Variants in EIF3A observed in about 807,000 individuals in gnomAD.
EIF3A encodes the protein EIF3, p180 subunit.
A neutral mutation model predicts 186.6 loss-of-function variants in EIF3A; 21 were observed. The observed-to-expected ratio is 0.11, with a 90% CI of 0.08 to 0.16. The LOEUF is 0.16. Ranked by LOEUF, EIF3A falls within the 10% of genes least tolerant of loss-of-function variation. The probability of loss-of-function intolerance (pLI) is 1.00; values close to 1 mark genes in which losing one functional copy is unlikely to be tolerated. For synonymous variants in EIF3A, 563 were observed against 584.3 expected (o/e 0.96, Z 0.52); for missense variants, 1,306 against 1,796.3 (o/e 0.73, Z 4.93).
At chr10:119,076,937 C>CAAAAAAAAAAAAAAAAAAA (rs71016536) in intron 1 of EIF3A, among the ~76,000 whole-genome samples, 1 of 123,482 alleles carries the variant, frequency 8.1e-6, no homozygotes. Flanking sequence ...GACTCTGTCT[C>CAAAAAAAAAAAAAAAAAAA]AAAAAAAAAA....
chr10:119,075,879 A>ATTTTT (rs58100835), intron 1 of EIF3A, among the ~76,000 whole-genome samples: 4 of 94,072 alleles, frequency 4.3e-5, no homozygotes, highest in African/African-American at 8.1e-5. Context: ...CGCCTGGCTA[A>ATTTTT]TTTTTTTTTT....
chr10:119,047,787 T>G (rs1848300265), intron 17 of EIF3A, among the ~76,000 whole-genome samples: 1 of 152,148 alleles, frequency 6.6e-6, no homozygotes, highest in African/African-American at 2.4e-5. Flanking sequence ...AACTACAAAT[T>G]AGCAGTAAGA....
rs186088586 is a variant in EIF3A, at chr10:119,065,279, T to G, written c.1122+120A>C. 1.1e-4 allele frequency: 80 copies of G among 735,634 alleles called. No individual in the cohort carries two copies. The African/African-American group carries it at 1.3e-3, about 12-fold the overall frequency. 45.6% of individuals were successfully genotyped at this position (735,634 alleles called of 1,614,324 possible). A position where few individuals can be genotyped will look rare whatever the true frequency, so the allele number is the denominator to read the frequency against. ...ACAGTGATTGACACCAGTGCTTCCCTGTCCATACATCAGAACCCTTGGCAC... is the reference window on the plus strand; with the variant it reads ...ACAGTGATTGACACCAGTGCTTCCCGGTCCATACATCAGAACCCTTGGCAC... On this transcript the variant is annotated intron_variant, in intron 7 of 21. Coordinates refer to ENST00000369144, the MANE Select transcript of EIF3A (RefSeq NM_003750.4).
intron 7 of EIF3A, among the ~76,000 whole-genome samples, chr10:119,064,392 A>G (rs977637566): frequency 6.6e-6 from 1 of 152,150 alleles, no homozygotes; most frequent in African/African-American, 2.4e-5. Context: ...CCAGTGTTGG[A>G]GTGTGGCCTG....
At position 119,066,079 on chromosome 10, in the gene EIF3A, G is replaced by T. The variant is rs1316092509; in HGVS notation, c.951-509C>A. Among the ~76,000 whole-genome samples the T allele has an allele frequency of 3.3e-5, 5 of 151,622 alleles. No individual in the cohort carries two copies. The East Asian group carries it at 9.7e-4, about 29-fold the overall frequency. ...TGCAGTGAGCCAAGATCGCGCCACTGCACTCCAGCCTGGGCGACAGAGCCA... is the reference window on the plus strand; with the variant it reads ...TGCAGTGAGCCAAGATCGCGCCACTTCACTCCAGCCTGGGCGACAGAGCCA... On this transcript the variant is annotated intron_variant, in intron 6 of 21. Coordinates refer to ENST00000369144, the MANE Select transcript of EIF3A (RefSeq NM_003750.4).
chr10:119,042,245 C>G lies in EIF3A; in HGVS notation c.3275G>C (p.Gly1092Ala). 1 of 1,613,336 alleles carries G rather than the reference C, an allele frequency of 6.2e-7. No individual in the cohort carries two copies. Among genetic ancestry groups the G allele is most frequent in the South Asian group, 1.1e-5 (1 of 90,968 alleles). Residue 1092 changes from glycine (G) to alanine (A), a missense_variant, in exon 19 of 22, where the codon GGC (glycine) becomes GCC (alanine). By Grantham distance (60) the Gly-to-Ala change is moderately conservative (BLOSUM62 0). Transcript: ENST00000369144. This position sits in a 1 kb window ranked among gnomAD's most constrained non-coding sequence, Gnocchi z 7.8. ...GMDDDRGPRRGMDDDRGPRRG... is the reference protein window; with the variant it reads ...GMDDDRGPRRAMDDDRGPRRG... ...CCTGGGACCCCGGTCATCATCCATG[C>G]CTCGCCTGGGACCCCGGTCATCATC...
intron 14 of EIF3A, 134 bp from the exon 15 acceptor site, chr10:119,051,455 T>C: frequency 1.2e-6 from 1 of 865,704 alleles, no homozygotes; most frequent in Non-Finnish European, 1.7e-6. Flanking sequence ...AATGAAAACG[T>C]TAACTACATC....
chr10:119,080,405 G>GC, intron 1 of EIF3A: 1 of 985,460 alleles, frequency 1.0e-6, no homozygotes, highest in South Asian at 4.7e-5. Context: ...GGAAGGAAAG[G>GC]CCCCTGGGGC....
At chr10:119,054,227 G>A (rs940693887) in intron 14 of EIF3A, among the ~76,000 whole-genome samples, 31 of 152,078 alleles carry the variant, frequency 2.0e-4, no homozygotes, top group African/African-American at 6.7e-4. Context: ...GGCCTTCTGC[G>A]GCTTTCTAAC....
intron 4 of EIF3A, among the ~76,000 whole-genome samples, chr10:119,071,488 T>C (rs1844069645): frequency 1.3e-5 from 2 of 152,158 alleles, no homozygotes; most frequent in South Asian, 4.1e-4. Context: ...AACTACATAA[T>C]ACAAATTGAG....
intron 14 of EIF3A, among the ~76,000 whole-genome samples, chr10:119,054,388 T>C (rs1034752851): frequency 2.0e-5 from 3 of 152,052 alleles, no homozygotes; most frequent in Non-Finnish European, 4.4e-5. Flanking sequence ...TCTCACTGTT[T>C]ATGTGTTCAC....
chr10:119,042,524 C>G lies in EIF3A; in HGVS notation c.2996G>C (p.Arg999Thr). Reference protein sequence around the residue: ...WRNTDDDRPPRRIADEDRGNW... With the variant: ...WRNTDDDRPPTRIADEDRGNW... The stretch of plus-strand genomic sequence containing the variant: ...TCCCCTGTCTTCATCGGCAATTCGT[C>G]TGGGAGGCCTGTCATCATCTGTGTT... The change falls in exon 19 of 22, where the codon AGA (arginine) becomes ACA (threonine). Residue 999 changes from arginine to threonine, a missense_variant. Arg to Thr is a moderately conservative substitution (Grantham distance 71, BLOSUM62 -1). Around this residue, in one of 8 missense-constraint regions of EIF3A, gnomAD observed 410 missense variants for 473.5 expected, o/e 0.87. Coordinates refer to ENST00000369144, the MANE Select transcript of EIF3A (RefSeq NM_003750.4). The surrounding 1 kb of genome is among the most constrained non-coding windows in gnomAD (Gnocchi z 7.8). 4.3e-6 allele frequency: 7 copies of G among 1,614,182 alleles called. No homozygotes were observed. Among genetic ancestry groups the G allele is most frequent in the Non-Finnish European group, 5.9e-6 (7 of 1,180,040 alleles).
intron 4 of EIF3A, 47 bp from the exon 5 acceptor site, chr10:119,071,132 TTAAA>T: frequency 7.5e-7 from 1 of 1,329,450 alleles, no homozygotes; most frequent in Non-Finnish European, 1.1e-6. Context: ...CACTATCTAC[TTAAA>T]TATTTGAATA....
At position 119,037,075 on chromosome 10, in the gene EIF3A, A is replaced by G. The variant is rs191833261; in HGVS notation, c.3919+44T>C. The G allele has an allele frequency of 3.6e-3, 1,449 of 407,520 alleles. 26 individuals are homozygous for G. The highest frequency in any genetic ancestry group is 0.028 in the African/African-American group (1,238 of 44,740). 25.2% of individuals were successfully genotyped at this position (407,520 alleles called of 1,614,324 possible). A position where few individuals can be genotyped will look rare whatever the true frequency, so the allele number is the denominator to read the frequency against. ...ATAACCCAAATCCCCCCCCCCCCAG[A>G]AACGACAGTTCTCCAATACTTCAGT... On this transcript the variant is annotated intron_variant, in intron 21 of 21. Transcript: ENST00000369144.
Position 119,076,570 on chromosome 10 carries a change from G to T in EIF3A, c.50-2633C>A, listed in dbSNP as rs1844177680. Among the ~76,000 whole-genome samples the T allele has an allele frequency of 2.6e-5, 4 of 151,604 alleles. No homozygotes were observed. The South Asian group carries it at 8.3e-4, about 32-fold the overall frequency. The stretch of plus-strand genomic sequence containing the variant: ...AAATAAGCCTTTCCTTGTTGTCAGG[G>T]GTGGGGGTGGGAGGGAAAAAACTTG... On this transcript the variant is annotated intron_variant, in intron 1 of 21. Transcript: ENST00000369144.
chr10:119,042,472 T>C lies in EIF3A; in HGVS notation c.3048A>G (p.Arg1016=). Residue 1016 remains arginine (R), a synonymous_variant, in exon 19 of 22, where the codon AGA becomes AGG. Transcript: ENST00000369144. This position sits in a 1 kb window ranked among gnomAD's most constrained non-coding sequence, Gnocchi z 7.8. ...RGNWRHADDD[R]PPRRGLDEDR... ...CCTCATCCAGTCCTCGTCTAGGTGG[T>C]CTGTCATCATCCGCATGACGCCAGT... is the stretch of plus-strand genomic sequence containing the variant. The C allele has an allele frequency of 1.2e-6, 2 of 1,614,146 alleles. No individual in the cohort carries two copies. The highest frequency in any genetic ancestry group is 1.7e-6 in the Non-Finnish European group (2 of 1,180,042).
intron 5 of EIF3A, among the ~76,000 whole-genome samples, chr10:119,070,621 A>G (rs971524690): frequency 1.3e-5 from 2 of 152,240 alleles, no homozygotes; most frequent in Non-Finnish European, 2.9e-5. Context: ...CACTTCGAGC[A>G]GCACTGGCAA....
intron 1 of EIF3A, among the ~76,000 whole-genome samples, chr10:119,076,537 T>C (rs4604793): frequency 0.94 from 138,445 of 147,774 alleles, 65,485 homozygotes; most frequent in Non-Finnish European, 1. Context: ...TAACTAGATA[T>C]TTTGTTGAAA....
At position 119,073,057 on chromosome 10, in the gene EIF3A, C is replaced by A. The variant is rs1298887460; in HGVS notation, c.378-4G>T. On this transcript the variant is annotated splice_region_variant and splice_polypyrimidine_tract_variant and intron_variant, in intron 3 of 21. Transcript: ENST00000369144. ...ACTTACAGCACTTAGGAGAACACTA[C>A]AAAGAAAAAAATGTTGAAAACAATT... 3.1e-6 allele frequency: 5 copies of A among 1,587,570 alleles called. No homozygotes were observed. In the Admixed American group the frequency reaches 5.8e-5, roughly 18 times the overall value.
Sources: gnomAD v4.1 joint callset for allele counts (sites outside exome capture counted in the v4.1 genomes callset) on GRCh38, gnomAD v4.1.1 for gene constraint, gnomAD v4.1.1 regional missense constraint, Gnocchi (gnomAD v3.1) non-coding constraint, MANE v1.5 for transcripts, NCBI Gene and HGNC (gene_info 2026-07-23, HGNC 2026-07-21) for gene names.